Variants in MGAT5 observed in about 807,000 individuals in gnomAD.
MGAT5 encodes the protein alpha-1,6-mannosylglycoprotein 6-beta-N-acetylglucosaminyltransferase.
Under a neutral mutation model 94.3 loss-of-function variants are expected in MGAT5, and 30 were observed. That is an observed-to-expected ratio of 0.32 (90% CI 0.24 to 0.43). MGAT5 has a LOEUF of 0.43. Among genes scored for constraint, MGAT5 ranks in the 20% least tolerant of loss-of-function variants. MGAT5 has a pLI of 1.00. For synonymous variants in MGAT5, 310 were observed against 322.9 expected, an observed-to-expected ratio of 0.96 and a Z score of 0.43; for missense variants, 691 against 905.5, an observed-to-expected ratio of 0.76 and a Z score of 3.04.
chr2:134,267,822 G>A (rs1275551386), intron 1 of MGAT5, among the ~76,000 whole-genome samples: 2 of 152,222 alleles, frequency 1.3e-5, no homozygotes, highest in Non-Finnish European at 2.9e-5. Flanking sequence ...TGTATTTGTA[G>A]CAGTCCCTCC....
rs117262239 is a variant in MGAT5 at position 134,388,781 on chromosome 2, G to A, written c.1381-14207G>A. On this transcript the variant is annotated intron_variant, in intron 10 of 15. Transcript: ENST00000281923. ...TGATTTTTTTGGGGGGTGGGGGGGT[G>A]GTCGGAGTCTCGCTCTGTTGCCCAA... 0.01 allele frequency among the ~76,000 whole-genome samples: 1,542 copies of A among 149,582 alleles called. 95 individuals carry two copies. In the East Asian group the frequency reaches 0.16, roughly 16 times the overall value.
At chr2:134,357,804 C>G (rs1174119256) in intron 9 of MGAT5, among the ~76,000 whole-genome samples, 3 of 151,482 alleles carry the variant, frequency 2.0e-5, no homozygotes, top group Non-Finnish European at 4.4e-5. Flanking sequence ...CTTCTCAGCT[C>G]AACTTATATT....
intron 9 of MGAT5, among the ~76,000 whole-genome samples, chr2:134,360,028 T>C (rs1679983827): frequency 6.6e-6 from 1 of 152,186 alleles, no homozygotes; most frequent in African/African-American, 2.4e-5. Context: ...GTCAGACCAG[T>C]GCTCAGGCCT....
intron 1 of MGAT5, among the ~76,000 whole-genome samples, chr2:134,183,736 A>G (rs996393676): frequency 7.2e-5 from 11 of 152,256 alleles, no homozygotes; most frequent in Non-Finnish European, 1.3e-4. Flanking sequence ...GTCTGCAGCC[A>G]TCATCCATGG....
At chr2:134,241,754 G>C (rs1023251942) in intron 1 of MGAT5, among the ~76,000 whole-genome samples, 5 of 152,116 alleles carry the variant, frequency 3.3e-5, no homozygotes, top group African/African-American at 1.2e-4. Context: ...TAAGGGGTGG[G>C]AGTGTGAGTG....
intron 11 of MGAT5, among the ~76,000 whole-genome samples, chr2:134,406,467 T>A (rs546831003): frequency 6.6e-6 from 1 of 152,310 alleles, no homozygotes; most frequent in East Asian, 1.9e-4. Flanking sequence ...CCTAGGAACA[T>A]GGGCAGGCCT....
chr2:134,244,540 G>A (rs940182034), intron 1 of MGAT5, among the ~76,000 whole-genome samples: 20 of 152,212 alleles, frequency 1.3e-4, no homozygotes, highest in Admixed American at 1.2e-3. Context: ...CCTTGAGACA[G>A]CATCAGCAGT....
intron 10 of MGAT5, among the ~76,000 whole-genome samples, chr2:134,376,552 C>T (rs944992561): frequency 3.3e-5 from 5 of 152,246 alleles, no homozygotes; most frequent in African/African-American, 7.2e-5. Flanking sequence ...TTTCATGGAC[C>T]GATCCCTCAC....
At chr2:134,271,348 C>T (rs764269190) in intron 2 of MGAT5, among the ~76,000 whole-genome samples, 19 of 151,998 alleles carry the variant, frequency 1.3e-4, no homozygotes, top group Non-Finnish European at 2.1e-4. Flanking sequence ...AAGTGAAGAG[C>T]CTGAGGATTA....
At chr2:134,349,995 A>T in intron 9 of MGAT5, 57 bp downstream of exon 9, 1 of 1,593,762 alleles carries the variant, frequency 6.3e-7, no homozygotes, top group Non-Finnish European at 8.6e-7. Flanking sequence ...TAGATGGGAA[A>T]ATTAGCCGCC....
intron 1 of MGAT5, among the ~76,000 whole-genome samples, chr2:134,151,647 G>A (rs1687184865): frequency 1.7e-5 from 1 of 60,020 alleles, no homozygotes; most frequent in Admixed American, 1.6e-4. Context: ...GCCTCCCACT[G>A]CCATGGGACC....
At chr2:134,448,618 C>G in intron 15 of MGAT5, 31 bp from the exon 16 acceptor site, 11 of 1,608,758 alleles carry the variant, frequency 6.8e-6, no homozygotes, top group Non-Finnish European at 9.4e-6. Flanking sequence ...CCCTTCATCA[C>G]CAACACTTGT....
At chr2:134,259,826 G>C (rs573287894) in intron 1 of MGAT5, among the ~76,000 whole-genome samples, 1 of 152,322 alleles carries the variant, frequency 6.6e-6, no homozygotes, top group East Asian at 1.9e-4. Context: ...CAAAGGCCCT[G>C]CTCTCATAGA....
intron 1 of MGAT5, among the ~76,000 whole-genome samples, chr2:134,221,028 A>C (rs1026167102): frequency 1.3e-5 from 2 of 152,132 alleles, no homozygotes; most frequent in African/African-American, 4.8e-5. Flanking sequence ...TGTGGATAAC[A>C]GTTGAGAGCC....
At chr2:134,142,594 T>C (rs1474786207) in intron 1 of MGAT5, among the ~76,000 whole-genome samples, 1 of 152,226 alleles carries the variant, frequency 6.6e-6, no homozygotes, top group African/African-American at 2.4e-5. Context: ...TGAGGTCACA[T>C]GCTTCACATG....
rs776484734 is a variant in MGAT5, at chr2:134,362,303, G to A, written c.1275G>A (p.Gly425=). The part of the protein sequence containing the change: ...FPHTPDNSFL[G]FVVEQHLNSS... Reference sequence around the variant, plus strand: ...ATACCCCAGACAACAGCTTTCTGGGGTTTGTGGTTGAGCAGCACCTGAACT... The same window carrying A: ...ATACCCCAGACAACAGCTTTCTGGGATTTGTGGTTGAGCAGCACCTGAACT... The change falls in exon 10 of 16, where the codon GGG becomes GGA. Residue 425 remains glycine, a synonymous_variant. Coordinates refer to ENST00000281923, the MANE Select transcript of MGAT5 (RefSeq NM_002410.5). 8 of 1,613,884 alleles carry A rather than the reference G, an allele frequency of 5.0e-6. No homozygotes were observed. Among genetic ancestry groups the A allele is most frequent in the Non-Finnish European group, 6.8e-6 (8 of 1,179,886 alleles).
At chr2:134,178,013 T>A (rs144987163) in intron 1 of MGAT5, among the ~76,000 whole-genome samples, 2 of 152,274 alleles carry the variant, frequency 1.3e-5, no homozygotes, top group Admixed American at 6.5e-5. Context: ...TAAATAGCTG[T>A]AATATTTGCA....
chr2:134,429,130 G>C (rs991066946), intron 14 of MGAT5, among the ~76,000 whole-genome samples: 3 of 152,194 alleles, frequency 2.0e-5, no homozygotes, highest in Admixed American at 1.3e-4. Context: ...CTAGATCCCA[G>C]AAATAAGGTG....
At chr2:134,319,721 T>A in intron 4 of MGAT5, 1 of 413,322 alleles carries the variant, frequency 2.4e-6, no homozygotes, top group Non-Finnish European at 4.9e-6. Flanking sequence ...GTGGTGGAAT[T>A]CAATGTAGCT....
Sources: allele counts gnomAD v4.1 joint callset (sites outside exome capture counted in the v4.1 genomes callset), GRCh38; gene constraint gnomAD v4.1.1; transcripts MANE v1.5; gene names NCBI Gene and HGNC (gene_info 2026-07-23, HGNC 2026-07-21).